Variants in FMNL2 observed in about 807,000 individuals in gnomAD.
FMNL2 encodes formin like 2.
A neutral mutation model predicts 130.2 loss-of-function variants in FMNL2; 51 were observed. The ratio of observed to expected loss-of-function variants is 0.39; its 90% CI spans 0.31 to 0.49. The LOEUF (loss-of-function observed/expected upper bound fraction) is 0.49. FMNL2 is among the 20% of genes least tolerant of loss of function. The pLI is 0.85. For synonymous variants in FMNL2, 465 were observed against 467.1 expected (o/e 1.00, Z 0.06); for missense variants, 977 against 1,316.2 (o/e 0.74, Z 3.99).
chr2:152,512,005 C>G (rs1414038763), intron 1 of FMNL2, among the ~76,000 whole-genome samples: 2 of 152,176 alleles, frequency 1.3e-5, no homozygotes. Context: ...AACACTTTCT[C>G]TGGATTTCGA....
intron 6 of FMNL2, 92 bp from the exon 7 acceptor site, chr2:152,575,044 G>T: frequency 1.5e-6 from 1 of 654,088 alleles, no homozygotes; most frequent in Non-Finnish European, 2.6e-6. Context: ...TCCTTGTTTT[G>T]GTACTGGTGA....
intron 18 of FMNL2, 27 bp from the exon 19 acceptor site, chr2:152,629,629 C>CTT (rs1682033572): frequency 1.9e-6 from 3 of 1,564,624 alleles, no homozygotes; most frequent in African/African-American, 2.7e-5. Flanking sequence ...CTTTTTTCCC[C>CTT]TTTTTCTTTC....
intron 1 of FMNL2, among the ~76,000 whole-genome samples, chr2:152,447,891 T>G (rs1300832380): frequency 6.6e-6 from 1 of 152,202 alleles, no homozygotes; most frequent in African/African-American, 2.4e-5. Flanking sequence ...TGTATTACCA[T>G]ATGATATGAC....
At chr2:152,415,210 A>G (rs1055717332) in intron 1 of FMNL2, among the ~76,000 whole-genome samples, 1 of 152,096 alleles carries the variant, frequency 6.6e-6, no homozygotes, top group African/African-American at 2.4e-5. Context: ...GATCATGTTA[A>G]TGTGAACACC....
At chr2:152,533,955 C>T (rs1460056636) in intron 2 of FMNL2, among the ~76,000 whole-genome samples, 1 of 152,052 alleles carries the variant, frequency 6.6e-6, no homozygotes, top group Non-Finnish European at 1.5e-5. Flanking sequence ...TCATTTATGC[C>T]TTTGTAGAGA....
intron 1 of FMNL2, among the ~76,000 whole-genome samples, chr2:152,389,047 T>C (rs1279542149): frequency 8.6e-6 from 1 of 116,062 alleles, no homozygotes; most frequent in Admixed American, 8.5e-5. Context: ...TTGGTTGAAA[T>C]CTAAATGCTG....
intron 1 of FMNL2, among the ~76,000 whole-genome samples, chr2:152,483,231 A>G (rs1026515955): frequency 6.6e-6 from 1 of 152,176 alleles, no homozygotes; most frequent in Non-Finnish European, 1.5e-5. Context: ...TTGGAAGCTT[A>G]AATTTCCAAG....
At chr2:152,361,745 A>G (rs73967832) in intron 1 of FMNL2, among the ~76,000 whole-genome samples, 193 of 152,248 alleles carry the variant, frequency 1.3e-3, no homozygotes, top group African/African-American at 4.4e-3. Context: ...CCATCCGCAA[A>G]CTAGATTAAC....
chr2:152,373,741 TA>T (rs1684016829), intron 1 of FMNL2, among the ~76,000 whole-genome samples: 1 of 152,092 alleles, frequency 6.6e-6, no homozygotes, highest in Admixed American at 6.6e-5. Flanking sequence ...GAATATTTTG[TA>T]TCCCTGCTTT....
intron 6 of FMNL2, among the ~76,000 whole-genome samples, chr2:152,567,788 A>T (rs1695938095): frequency 6.6e-6 from 1 of 152,218 alleles, no homozygotes; most frequent in Non-Finnish European, 1.5e-5. Flanking sequence ...AGGGAGTTCT[A>T]TACTATTCTT....
intron 1 of FMNL2, among the ~76,000 whole-genome samples, chr2:152,343,592 G>A (rs999469521): frequency 4.6e-5 from 7 of 152,208 alleles, no homozygotes; most frequent in Admixed American, 2.0e-4. Context: ...CACCACACCC[G>A]GCTTAAATAG....
intron 1 of FMNL2, among the ~76,000 whole-genome samples, chr2:152,465,943 G>C (rs1399065676): frequency 6.6e-6 from 1 of 152,222 alleles, no homozygotes; most frequent in Non-Finnish European, 1.5e-5. Context: ...AAAGTTGCTA[G>C]AAAGGTTGCT....
intron 7 of FMNL2, among the ~76,000 whole-genome samples, chr2:152,577,728 A>G (rs568329154): frequency 1.8e-4 from 28 of 152,316 alleles, no homozygotes; most frequent in African/African-American, 5.8e-4. Flanking sequence ...AGGATTGGCC[A>G]TTGGCTTCAG....
chr2:152,492,656 A>T (rs1299282134), intron 1 of FMNL2, among the ~76,000 whole-genome samples: 1 of 152,134 alleles, frequency 6.6e-6, no homozygotes, highest in Non-Finnish European at 1.5e-5. Flanking sequence ...ATTAGTTTTG[A>T]TTCAAACAAA....
intron 1 of FMNL2, among the ~76,000 whole-genome samples, chr2:152,411,311 G>A (rs1366785981): frequency 6.6e-6 from 1 of 152,192 alleles, no homozygotes; most frequent in Non-Finnish European, 1.5e-5. Flanking sequence ...GGGGGTGTGT[G>A]TGTCAGTGAA....
At chr2:152,485,311 T>C (rs1229581009) in intron 1 of FMNL2, among the ~76,000 whole-genome samples, 3 of 152,314 alleles carry the variant, frequency 2.0e-5, no homozygotes, top group African/African-American at 7.2e-5. Flanking sequence ...GCCAACATGA[T>C]GAAACCCCGT....
chr2:152,509,355 A>G (rs1229800420), intron 1 of FMNL2, among the ~76,000 whole-genome samples: 1 of 152,110 alleles, frequency 6.6e-6, no homozygotes, highest in African/African-American at 2.4e-5. Context: ...ATAAATTCTA[A>G]ATTTCCATGT....
At chr2:152,506,488 T>C (rs562033447) in intron 1 of FMNL2, among the ~76,000 whole-genome samples, 51 of 152,352 alleles carry the variant, frequency 3.3e-4, no homozygotes, top group African/African-American at 1.2e-3. Flanking sequence ...GTTTAGCGAA[T>C]AGTGGCAAGA....
At chr2:152,359,522 A>G in intron 1 of FMNL2, among the ~76,000 whole-genome samples, 1 of 150,742 alleles carries the variant, frequency 6.6e-6, no homozygotes, top group East Asian at 1.9e-4. Context: ...CAACTAAAGG[A>G]ACTAGGGAGA....
Sources: allele counts gnomAD v4.1 joint callset (sites outside exome capture counted in the v4.1 genomes callset), GRCh38; gene constraint gnomAD v4.1.1; transcripts MANE v1.5; gene names NCBI Gene and HGNC (gene_info 2026-07-23, HGNC 2026-07-21).